The following ASB7 variants were observed in gnomAD, a reference collection of about 807,000 sequenced individuals.
The protein encoded by ASB7 is ankyrin repeat and SOCS box protein 7.
In ASB7, 4 loss-of-function variants were observed where a neutral mutation model predicts 32.5. The ratio of observed to expected loss-of-function variants is 0.12; its 90% confidence interval spans 0.06 to 0.28. ASB7 has a LOEUF of 0.28. Ranked by LOEUF, ASB7 falls within the 10% of genes least tolerant of loss-of-function variation. ASB7 has a pLI of 1.00. For missense variants in ASB7, 181 were observed against 407.1 expected, an observed-to-expected ratio of 0.44 and a Z score of 4.78; for synonymous variants, 172 against 155.6, an observed-to-expected ratio of 1.11 and a Z score of -0.78.
chr15:100,615,632 C>T (rs988502817), intron 4 of ASB7, among the ~76,000 whole-genome samples: 4 of 152,198 alleles, frequency 2.6e-5, no homozygotes, highest in African/African-American at 9.7e-5. Flanking sequence ...TAACTTTTAG[C>T]CCCAGTCCTT....
chr15:100,635,532 G>C (rs996010786), intron 5 of ASB7, among the ~76,000 whole-genome samples: 1 of 152,168 alleles, frequency 6.6e-6, no homozygotes, highest in Non-Finnish European at 1.5e-5. Flanking sequence ...GGTGCCAGAG[G>C]GTTCCGGTCC....
intron 2 of ASB7, among the ~76,000 whole-genome samples, chr15:100,605,999 A>G (rs1015573403): frequency 2.0e-5 from 3 of 152,200 alleles, no homozygotes; most frequent in Non-Finnish European, 2.9e-5. Context: ...TTGGATCATA[A>G]CCACTATGCT....
chr15:100,603,012 GA>G lies in ASB7; in HGVS notation c.-304del. On this transcript the variant is annotated 5_prime_UTR_variant, in exon 1 of 6. The change abolishes the stop of an existing upstream ORF in the 5' untranslated region. Coordinates refer to ENST00000332783, the MANE Select transcript of ASB7 (RefSeq NM_198243.3). ...GAAGTTGGTGAGTGTAGAGGAGGCTGAAAGGAGGAAGAGAAGCAGCAGCTGA... is the reference window on the plus strand; with the variant it reads ...GAAGTTGGTGAGTGTAGAGGAGGCTGAAGGAGGAAGAGAAGCAGCAGCTGA... 2.5e-6 allele frequency: 1 copy of G among 399,406 alleles called. No homozygotes were observed. The highest frequency in any genetic ancestry group is 4.4e-6 in the Non-Finnish European group (1 of 226,670). The allele number at this position is 399,406 out of a possible 1,614,324, so 24.7% of individuals were successfully genotyped here.
In ASB7 at chr15:100,636,977, C is replaced by T. The variant is rs1049923502; in HGVS notation, c.817+6935C>T. Among the ~76,000 whole-genome samples, 18 of 152,310 alleles carry T rather than the reference C, an allele frequency of 1.2e-4. No individual in the cohort carries two copies. In the East Asian group the frequency reaches 2.9e-3, roughly 24 times the overall value. On this transcript the variant is annotated intron_variant, in intron 5 of 5. Transcript: ENST00000332783. ...CGTGAATCGAGACAGTGGCCCCAGC[C>T]GGTACTGGTCGTTGTTCCCCGCCAG...
chr15:100,644,705 A>T (rs2039985863), intron 5 of ASB7, among the ~76,000 whole-genome samples: 1 of 152,256 alleles, frequency 6.6e-6, no homozygotes, highest in African/African-American at 2.4e-5. Context: ...ATTAAATGTT[A>T]TAAAGGAGAG....
intron 5 of ASB7, among the ~76,000 whole-genome samples, chr15:100,643,512 G>A (rs1264037494): frequency 1.5e-5 from 2 of 131,742 alleles, no homozygotes; most frequent in Non-Finnish European, 1.6e-5. Flanking sequence ...TTGAGGCAGA[G>A]GCTGGCTCAT....
intron 2 of ASB7, among the ~76,000 whole-genome samples, chr15:100,606,998 C>T (rs2039650675): frequency 6.6e-6 from 1 of 151,986 alleles, no homozygotes; most frequent in East Asian, 1.9e-4. Flanking sequence ...ACTAAAAATA[C>T]ATGAATTAGC....
At chr15:100,607,835 T>C (rs1412290607) in intron 2 of ASB7, among the ~76,000 whole-genome samples, 1 of 152,206 alleles carries the variant, frequency 6.6e-6, no homozygotes, top group Admixed American at 6.5e-5. Flanking sequence ...CCTGTGAATC[T>C]TTCTTGTTGG....
chr15:100,605,463 G>T (rs576350694), intron 2 of ASB7, among the ~76,000 whole-genome samples: 3 of 152,292 alleles, frequency 2.0e-5, no homozygotes, highest in African/African-American at 7.2e-5. Flanking sequence ...ACTGTGGCCA[G>T]TACTTACATT....
chr15:100,638,438 C>T (rs1313875370), intron 5 of ASB7: 1 of 152,192 alleles, frequency 6.6e-6, no homozygotes, highest in East Asian at 1.9e-4. Flanking sequence ...CTTCTCACTA[C>T]TGCACTTGAC....
At chr15:100,645,926 C>T in intron 5 of ASB7, 1 of 621,816 alleles carries the variant, frequency 1.6e-6, no homozygotes, top group Non-Finnish European at 3.0e-6. Flanking sequence ...GAGAAGGTCA[C>T]TATGGGAGTC....
intron 5 of ASB7, among the ~76,000 whole-genome samples, chr15:100,643,849 C>T (rs747007027): frequency 2.6e-5 from 4 of 152,054 alleles, no homozygotes; most frequent in South Asian, 2.1e-4. Flanking sequence ...GTTTTTACCA[C>T]TATTTTGGAT....
At chr15:100,617,526 C>T (rs566797063) in intron 4 of ASB7, among the ~76,000 whole-genome samples, 1 of 152,294 alleles carries the variant, frequency 6.6e-6, no homozygotes, top group South Asian at 2.1e-4. Context: ...TCTCACTGAT[C>T]GTTTTCTCAG....
rs77566680 is a variant in ASB7 at position 100,638,865 on chromosome 15, T to C, written c.817+8823T>C. On this transcript the variant is annotated intron_variant, in intron 5 of 5. Transcript: ENST00000332783. ...TTGTCCCCCACTCTCCCACAGGCCC[T>C]GGTGTATGATGTTGCCCTCTCTGTG... 1.2e-3 allele frequency among the ~76,000 whole-genome samples: 190 copies of C among 152,244 alleles called. 2 individuals carry two copies. Among genetic ancestry groups the C allele is most frequent in the East Asian group, 7.9e-3 (41 of 5,180 alleles).
intron 4 of ASB7, among the ~76,000 whole-genome samples, chr15:100,626,162 T>C (rs996598543): frequency 6.6e-6 from 1 of 152,166 alleles, no homozygotes; most frequent in Non-Finnish European, 1.5e-5. Flanking sequence ...ATTAAGAGTT[T>C]TGCTCTTCAA....
intron 2 of ASB7, among the ~76,000 whole-genome samples, chr15:100,603,952 G>C (rs1328910566): frequency 6.6e-6 from 1 of 152,146 alleles, no homozygotes; most frequent in African/African-American, 2.4e-5. Context: ...TTAACTCTTT[G>C]GGCTTTCTGT....
In ASB7 at chr15:100,630,016, G is replaced by A. The variant is rs2039871964; in HGVS notation, c.791G>A (p.Cys264Tyr). ...SISISGSSRP[C>Y]LDFLQEVTRQ... ...AGTATTTCTGGAAGTAGTCGACCAT[G>A]TTTGGATTTCTTACAAGAAGTCACA... is the stretch of plus-strand genomic sequence containing the variant. The change falls in exon 5 of 6, where the codon TGT becomes TAT. Residue 264 changes from cysteine to tyrosine, a missense_variant. Transcript: ENST00000332783. 1 of 1,602,266 alleles carries A rather than the reference G, an allele frequency of 6.2e-7. No individual in the cohort carries two copies. Among genetic ancestry groups the A allele is most frequent in the African/African-American group, 1.3e-5 (1 of 74,386 alleles).
At chr15:100,622,785 A>G (rs1371512503) in intron 4 of ASB7, among the ~76,000 whole-genome samples, 2 of 152,220 alleles carry the variant, frequency 1.3e-5, no homozygotes, top group East Asian at 3.8e-4. Context: ...GCAAAACAAC[A>G]TAAGATGGAT....
At chr15:100,607,050 G>T (rs1182170224) in intron 2 of ASB7, among the ~76,000 whole-genome samples, 1 of 152,044 alleles carries the variant, frequency 6.6e-6, no homozygotes, top group Non-Finnish European at 1.5e-5. Context: ...CTACTTAGGA[G>T]GCTGAGGCAG....
Sources: allele counts gnomAD v4.1 joint callset (sites outside exome capture counted in the v4.1 genomes callset), GRCh38; gene constraint gnomAD v4.1.1; transcripts MANE v1.5; gene names NCBI Gene and HGNC (gene_info 2026-07-23, HGNC 2026-07-21).